The following CAMK1D variants were observed in gnomAD, a reference collection of about 807,000 sequenced individuals.
CAMK1D encodes calcium/calmodulin dependent protein kinase ID, also known as calcium/calmodulin-dependent protein kinase type 1D.
In CAMK1D, 9 loss-of-function variants were observed where a neutral mutation model predicts 47.7. The observed-to-expected ratio is 0.19, with a 90% CI of 0.11 to 0.33. The LOEUF (loss-of-function observed/expected upper bound fraction) is 0.33, where lower values mean the gene tolerates loss of function less well. Among genes scored for constraint, CAMK1D ranks in the 10% least tolerant of loss-of-function variants. CAMK1D has a pLI of 1.00. For synonymous variants in CAMK1D, 184 were observed against 184.9 expected, an observed-to-expected ratio of 0.99 and a Z score of 0.04; for missense variants, 291 against 488.7, an observed-to-expected ratio of 0.60 and a Z score of 3.81.
intron 1 of CAMK1D, among the ~76,000 whole-genome samples, chr10:12,481,800 G>A (rs1204320991): frequency 6.6e-6 from 1 of 152,250 alleles, no homozygotes; most frequent in Middle Eastern, 3.4e-3. Flanking sequence ...AGGCCACCAC[G>A]CCTGGCCTAA....
chr10:12,447,014 A>C (rs1020110576), intron 1 of CAMK1D, among the ~76,000 whole-genome samples: 1 of 152,204 alleles, frequency 6.6e-6, no homozygotes, highest in Non-Finnish European at 1.5e-5. Context: ...TGCCATGTCT[A>C]GGATGGGTTG....
intron 3 of CAMK1D, among the ~76,000 whole-genome samples, chr10:12,694,330 G>GTATATAT (rs372586513): frequency 0.39 from 17,923 of 45,658 alleles, 4,380 homozygotes; most frequent in Non-Finnish European, 0.42. Context: ...AATATATAAA[G>GTATATAT]TATATATAAT....
chr10:12,387,408 T>TATATATATTTTATATATTTTATATATC (rs1838548399), intron 1 of CAMK1D, among the ~76,000 whole-genome samples: 2 of 45,454 alleles, frequency 4.4e-5, no homozygotes, highest in Non-Finnish European at 1.1e-4. Flanking sequence ...TTTTATATAT[T>TATATATATTTTATATATTTTATATATC]ATATATATTT....
intron 2 of CAMK1D, among the ~76,000 whole-genome samples, chr10:12,602,357 CA>C (rs1838327636): frequency 6.6e-6 from 1 of 152,198 alleles, no homozygotes. Flanking sequence ...TGAGCCACAG[CA>C]CCCGATCCCC....
intron 1 of CAMK1D, among the ~76,000 whole-genome samples, chr10:12,373,487 C>G (rs1838066289): frequency 6.6e-6 from 1 of 151,516 alleles, no homozygotes; most frequent in African/African-American, 2.4e-5. Flanking sequence ...CAAGAATTAG[C>G]CAGGCGTAGT....
At chr10:12,695,247 A>G (rs1354742476) in intron 3 of CAMK1D, among the ~76,000 whole-genome samples, 1 of 152,196 alleles carries the variant, frequency 6.6e-6, no homozygotes, top group Non-Finnish European at 1.5e-5. Context: ...CAGACGGAGA[A>G]TGACTTGGAG....
intron 1 of CAMK1D, among the ~76,000 whole-genome samples, chr10:12,493,758 T>G (rs940267380): frequency 5.3e-5 from 8 of 152,132 alleles, no homozygotes; most frequent in African/African-American, 1.7e-4. Flanking sequence ...CCTCCCAAAG[T>G]GCTGGGACTA....
intron 1 of CAMK1D, among the ~76,000 whole-genome samples, chr10:12,490,073 C>T (rs1021869514): frequency 2.6e-5 from 4 of 152,094 alleles, no homozygotes; most frequent in Non-Finnish European, 5.9e-5. Flanking sequence ...AAGGGTGCCA[C>T]GTGGGTGTGT....
chr10:12,477,131 C>G (rs67433306), intron 1 of CAMK1D, among the ~76,000 whole-genome samples: 18,673 of 151,966 alleles, frequency 0.12, 1,596 homozygotes, highest in East Asian at 0.5. Context: ...GAAGAGAAGT[C>G]CTGGCTAGGT....
At chr10:12,716,133 C>T (rs1424617875) in intron 3 of CAMK1D, among the ~76,000 whole-genome samples, 3 of 152,044 alleles carry the variant, frequency 2.0e-5, no homozygotes, top group African/African-American at 7.2e-5. Context: ...ACCTTCCTGG[C>T]GCCTCTATGA....
chr10:12,524,085 G>T (rs565080547), intron 1 of CAMK1D, among the ~76,000 whole-genome samples: 21 of 151,832 alleles, frequency 1.4e-4, no homozygotes, highest in African/African-American at 5.1e-4. Context: ...GTAGAGACAG[G>T]GTTTCACGTT....
At chr10:12,690,344 A>G (rs1009480417) in intron 3 of CAMK1D, among the ~76,000 whole-genome samples, 1 of 152,190 alleles carries the variant, frequency 6.6e-6, no homozygotes, top group Non-Finnish European at 1.5e-5. Context: ...ATTTTCTATA[A>G]GAAACAATCT....
At chr10:12,766,289 C>T (rs1177787340) in intron 4 of CAMK1D, among the ~76,000 whole-genome samples, 1 of 150,368 alleles carries the variant, frequency 6.7e-6, no homozygotes, top group Admixed American at 6.6e-5. Context: ...GGCCCCGTGC[C>T]CTGCCATCCC....
chr10:12,528,986 C>G (rs1835717906), intron 1 of CAMK1D, among the ~76,000 whole-genome samples: 1 of 150,988 alleles, frequency 6.6e-6, no homozygotes, highest in African/African-American at 2.5e-5. Context: ...GATAGTGTCT[C>G]ACCTTGTTGC....
intron 1 of CAMK1D, among the ~76,000 whole-genome samples, chr10:12,365,810 T>C (rs1418563761): frequency 2.6e-5 from 4 of 151,840 alleles, no homozygotes; most frequent in Admixed American, 1.3e-4. Context: ...CCCAGCACTT[T>C]GGGAGGCTGA....
chr10:12,643,362 A>G (rs1479108763), intron 2 of CAMK1D, among the ~76,000 whole-genome samples: 1 of 152,080 alleles, frequency 6.6e-6, no homozygotes, highest in East Asian at 1.9e-4. Flanking sequence ...GGGGTCCCCA[A>G]CCCCAGATAC....
At chr10:12,365,222 C>G (rs1837795713) in intron 1 of CAMK1D, among the ~76,000 whole-genome samples, 1 of 152,096 alleles carries the variant, frequency 6.6e-6, no homozygotes. Context: ...TCCCAAAGTT[C>G]TGGGATTACA....
intron 6 of CAMK1D, among the ~76,000 whole-genome samples, chr10:12,792,960 GCACACACA>G (rs57459634): frequency 2.3e-4 from 16 of 68,328 alleles, no homozygotes; most frequent in African/African-American, 6.5e-4. Context: ...ATGTGTGCGC[GCACACACA>G]CACACACACA....
intron 1 of CAMK1D, among the ~76,000 whole-genome samples, chr10:12,519,450 T>G (rs1283306245): frequency 7.6e-4 from 1 of 1,322 alleles, no homozygotes; most frequent in Non-Finnish European, 1.3e-3. Flanking sequence ...GGGGCTGACC[T>G]CCCCACCTCC....
Sources: gnomAD v4.1 joint callset for allele counts (sites outside exome capture counted in the v4.1 genomes callset) on GRCh38, gnomAD v4.1.1 for gene constraint, MANE v1.5 for transcripts, NCBI Gene and HGNC (gene_info 2026-07-23, HGNC 2026-07-21) for gene names.